The following UBE4B variants were observed in gnomAD, a reference collection of about 807,000 sequenced individuals.
The protein encoded by UBE4B is ubiquitin conjugation factor E4 B.
A neutral mutation model predicts 148.1 loss-of-function variants in UBE4B; 27 were observed. The ratio of observed to expected loss-of-function variants is 0.18; its 90% CI spans 0.13 to 0.25. The LOEUF (loss-of-function observed/expected upper bound fraction) is 0.25. UBE4B is among the 10% of genes least tolerant of loss of function. The probability of loss-of-function intolerance (pLI) is 1.00; values close to 1 mark genes in which losing one functional copy is unlikely to be tolerated. For missense variants in UBE4B, 1,170 were observed against 1,662.4 expected, an observed-to-expected ratio of 0.70 and a Z score of 5.15; for synonymous variants, 596 against 619.3, an observed-to-expected ratio of 0.96 and a Z score of 0.56.
At position 10,119,556 on chromosome 1, in the gene UBE4B, G is replaced by T. The variant is rs761577852; in HGVS notation, c.1382G>T (p.Arg461Leu). 8.1e-6 allele frequency: 13 copies of T among 1,613,254 alleles called. No individual in the cohort carries two copies. The highest frequency in any genetic ancestry group is 5.3e-5 in the African/African-American group (4 of 74,854). Residue 461 changes from arginine (R) to leucine (L), a missense_variant, in exon 9 of 28, where the codon CGC (arginine) becomes CTC (leucine). By Grantham distance (102) the Arg-to-Leu change is moderately radical (BLOSUM62 -2). Around this residue, in one of 6 missense-constraint regions of UBE4B, gnomAD observed 388 missense variants for 536.0 expected, o/e 0.72. Transcript: ENST00000343090. The stretch of plus-strand genomic sequence containing the variant: ...GTCAGCCAGCTTCTGAGCAACATCC[G>T]CTCACAGTGCATATCCCATACTGCT... The part of the protein sequence containing the change: ...PAVSQLLSNI[R>L]SQCISHTALV...
intron 7 of UBE4B, among the ~76,000 whole-genome samples, chr1:10,115,362 G>A (rs1328449712): frequency 6.6e-6 from 1 of 151,560 alleles, no homozygotes; most frequent in Non-Finnish European, 1.5e-5. Context: ...CTGCCTCCCG[G>A]GATTTAAGAG....
chr1:10,082,113 G>A (rs1009908066), intron 2 of UBE4B, among the ~76,000 whole-genome samples: 2 of 152,070 alleles, frequency 1.3e-5, no homozygotes, highest in Non-Finnish European at 2.9e-5. Context: ...CTAAATTCAC[G>A]TAGGCTTCAC....
At chr1:10,111,884 G>T (rs1645228162) in intron 7 of UBE4B, among the ~76,000 whole-genome samples, 1 of 151,924 alleles carries the variant, frequency 6.6e-6, no homozygotes, top group Admixed American at 6.6e-5. Flanking sequence ...TTGAATCCGG[G>T]AGGCAGAGGT....
chr1:10,142,563 C>G (rs1557591413), intron 17 of UBE4B, among the ~76,000 whole-genome samples: 1 of 151,990 alleles, frequency 6.6e-6, no homozygotes, highest in East Asian at 1.9e-4. Context: ...CCCAGCTACT[C>G]AAGAGGTTGA....
intron 23 of UBE4B, among the ~76,000 whole-genome samples, chr1:10,165,663 A>G (rs1351175173): frequency 6.6e-6 from 1 of 151,950 alleles, no homozygotes; most frequent in East Asian, 1.9e-4. Context: ...CCTTCCACTG[A>G]CACGTGAGGG....
chr1:10,123,779 GTTTT>G (rs1317151582), intron 10 of UBE4B, among the ~76,000 whole-genome samples: 2 of 151,972 alleles, frequency 1.3e-5, no homozygotes, highest in Admixed American at 6.6e-5. Context: ...GTTTTGTTTT[GTTTT>G]GTTTTTTGAG....
chr1:10,172,858 A>G (rs1164810967), intron 25 of UBE4B, among the ~76,000 whole-genome samples: 3 of 152,186 alleles, frequency 2.0e-5, no homozygotes, highest in African/African-American at 7.2e-5. Context: ...TGGCCCCATC[A>G]TATTATAATA....
At chr1:10,157,643 T>C (rs1646095310) in intron 21 of UBE4B, among the ~76,000 whole-genome samples, 1 of 151,920 alleles carries the variant, frequency 6.6e-6, no homozygotes, top group Non-Finnish European at 1.5e-5. Flanking sequence ...CAGGGCGTGG[T>C]GGCGCATGTC....
At chr1:10,126,346 GATA>G (rs1157920965) in intron 10 of UBE4B, among the ~76,000 whole-genome samples, 2 of 152,112 alleles carry the variant, frequency 1.3e-5, no homozygotes, top group African/African-American at 4.8e-5. Context: ...TAGATAGATA[GATA>G]GATAGAAAGG....
At chr1:10,147,235 A>G in intron 19 of UBE4B, 145 bp downstream of exon 19, 1 of 1,331,528 alleles carries the variant, frequency 7.5e-7, no homozygotes. Context: ...TCACGCCTGT[A>G]ATCCCAGCAC....
intron 2 of UBE4B, among the ~76,000 whole-genome samples, chr1:10,076,189 A>C (rs189156930): frequency 6.6e-6 from 1 of 151,736 alleles, no homozygotes; most frequent in Non-Finnish European, 1.5e-5. Context: ...TTTATTATCC[A>C]CCGAATGTGA....
chr1:10,062,219 A>G (rs1644300760), intron 1 of UBE4B, among the ~76,000 whole-genome samples: 1 of 151,508 alleles, frequency 6.6e-6, no homozygotes, highest in Non-Finnish European at 1.5e-5. Flanking sequence ...TATTTTTTCT[A>G]CCATCATTTT....
chr1:10,089,111 A>T (rs1644808027), intron 2 of UBE4B, among the ~76,000 whole-genome samples: 1 of 152,164 alleles, frequency 6.6e-6, no homozygotes, highest in South Asian at 2.1e-4. Flanking sequence ...GGTTCCAGTG[A>T]TTCTGCTGCC....
chr1:10,139,964 G>A (rs996213744), intron 17 of UBE4B, among the ~76,000 whole-genome samples: 1 of 152,158 alleles, frequency 6.6e-6, no homozygotes, highest in Non-Finnish European at 1.5e-5. Context: ...CTGACCTCAG[G>A]TGATTTGCCT....
intron 1 of UBE4B, among the ~76,000 whole-genome samples, chr1:10,057,537 C>G (rs185908205): frequency 4.6e-5 from 7 of 150,946 alleles, no homozygotes; most frequent in Admixed American, 4.6e-4. Context: ...CTGCCTGAGC[C>G]TCCTGAGTAG....
At position 10,122,013 on chromosome 1, in the gene UBE4B, C is replaced by A; in HGVS notation, c.1491C>A (p.Leu497=). The A allele has an allele frequency of 3.7e-6, 6 of 1,613,712 alleles. No individual in the cohort carries two copies. The highest frequency in any genetic ancestry group is 5.1e-6 in the Non-Finnish European group (6 of 1,179,890). The part of the protein sequence containing the change: ...FLVPYMLCRN[L]PYGFIQELVR... Reference sequence around the variant, plus strand: ...TGCCGTATATGCTGTGTAGGAATCTCCCATATGGCTTCATTCAGGAACTGG... The same window carrying A: ...TGCCGTATATGCTGTGTAGGAATCTACCATATGGCTTCATTCAGGAACTGG... Residue 497 remains leucine (L), a synonymous_variant, in exon 10 of 28, where the codon CTC becomes CTA. Coordinates refer to ENST00000343090, the MANE Select transcript of UBE4B (RefSeq NM_001105562.3).
intron 4 of UBE4B, 148 bp from the exon 5 acceptor site, chr1:10,102,800 T>C: frequency 1.3e-6 from 1 of 789,018 alleles, no homozygotes; most frequent in Non-Finnish European, 1.9e-6. Flanking sequence ...ATAGGCTTAC[T>C]TTTCCCCTAA....
intron 17 of UBE4B, among the ~76,000 whole-genome samples, chr1:10,137,702 C>G (rs1447235778): frequency 6.6e-6 from 1 of 152,104 alleles, no homozygotes; most frequent in Non-Finnish European, 1.5e-5. Flanking sequence ...TTCATTAGCA[C>G]CATGGTTGTG....
chr1:10,116,750 C>T (rs950883398), intron 7 of UBE4B, among the ~76,000 whole-genome samples: 1 of 152,128 alleles, frequency 6.6e-6, no homozygotes, highest in Non-Finnish European at 1.5e-5. Context: ...TTACAAAGCA[C>T]CTCCACATTA....
Sources: allele counts gnomAD v4.1 joint callset (sites outside exome capture counted in the v4.1 genomes callset), GRCh38; gene constraint gnomAD v4.1.1; regional missense constraint gnomAD v4.1.1; transcripts MANE v1.5; gene names NCBI Gene and HGNC (gene_info 2026-07-23, HGNC 2026-07-21).